The following RGS6 variants were observed in gnomAD, a reference collection of about 807,000 sequenced individuals.
RGS6 encodes the protein regulator of G protein signaling 6, also known as regulator of G-protein signaling 6.
Under a neutral mutation model 78.5 loss-of-function variants are expected in RGS6, and 30 were observed. The observed-to-expected ratio is 0.38, with a 90% CI of 0.29 to 0.52. The LOEUF (loss-of-function observed/expected upper bound fraction) is 0.52, where lower values mean the gene tolerates loss of function less well. RGS6 is among the 20% of genes least tolerant of loss of function. The pLI is 0.85. For synonymous variants in RGS6, 206 were observed against 206.0 expected (o/e 1.00, Z 0.00); for missense variants, 495 against 609.7 (o/e 0.81, Z 1.98).
At chr14:72,392,622 G>A (rs755185867) in intron 3 of RGS6, among the ~76,000 whole-genome samples, 27 of 152,274 alleles carry the variant, frequency 1.8e-4, no homozygotes, top group African/African-American at 3.1e-4. Context: ...AATGGCTGCC[G>A]CTTCCCTGCC....
At chr14:72,401,683 A>G (rs1382745945) in intron 3 of RGS6, among the ~76,000 whole-genome samples, 3 of 152,114 alleles carry the variant, frequency 2.0e-5, no homozygotes, top group East Asian at 1.9e-4. Context: ...GCTCTTACTG[A>G]AGAGCTGAAA....
the RGS6 span, among the ~76,000 whole-genome samples, chr14:71,915,372 C>T: frequency 6.6e-6 from 1 of 152,304 alleles, no homozygotes; most frequent in African/African-American, 2.4e-5. Context: ...TTATCCCCCA[C>T]AGCTCCTTCA....
chr14:72,071,434 T>G (rs142972671), intron 2 of RGS6, among the ~76,000 whole-genome samples: 71 of 152,326 alleles, frequency 4.7e-4, no homozygotes, highest in South Asian at 8.3e-4. Flanking sequence ...AATTGATGAT[T>G]CATTGAGTAA....
the RGS6 span, among the ~76,000 whole-genome samples, chr14:72,599,432 A>G: frequency 1.5e-5 from 1 of 64,828 alleles, no homozygotes; most frequent in African/African-American, 6.8e-5. Flanking sequence ...TTTTTGAGAC[A>G]GAGTCTTGCT....
chr14:72,440,388 G>A (rs145024592), intron 3 of RGS6, among the ~76,000 whole-genome samples: 3 of 151,174 alleles, frequency 2.0e-5, no homozygotes, highest in Non-Finnish European at 4.4e-5. Context: ...GAGCATATGA[G>A]TGATGTTGAA....
intron 3 of RGS6, among the ~76,000 whole-genome samples, chr14:72,452,187 A>G (rs1364615226): frequency 2.0e-5 from 3 of 151,896 alleles, no homozygotes; most frequent in Admixed American, 6.6e-5. Context: ...CTTGGAGGAA[A>G]GGGACACACA....
chr14:72,334,984 G>A lies in RGS6; in HGVS notation c.85-17111G>A, dbSNP rs575905368. The stretch of plus-strand genomic sequence containing the variant: ...GTACCTCCTATAATTCCCTTGTGTC[G>A]TGAAAGGGACCCAGTGGGAGGTAAT... On this transcript the variant is annotated intron_variant, in intron 2 of 17. Coordinates refer to ENST00000553525, the MANE Select transcript of RGS6 (RefSeq NM_001204424.2). Among the ~76,000 whole-genome samples the A allele has an allele frequency of 2.5e-4, 38 of 152,146 alleles. No individual in the cohort carries two copies. The South Asian group carries it at 3.9e-3, about 16-fold the overall frequency.
chr14:72,333,790 C>G (rs149503807), intron 2 of RGS6, among the ~76,000 whole-genome samples: 1 of 151,972 alleles, frequency 6.6e-6, no homozygotes, highest in Non-Finnish European at 1.5e-5. Flanking sequence ...AACCCTCCAT[C>G]CCCTCCCTGC....
At chr14:72,054,628 A>C (rs2093519709) in intron 2 of RGS6, among the ~76,000 whole-genome samples, 1 of 152,186 alleles carries the variant, frequency 6.6e-6, no homozygotes, top group South Asian at 2.1e-4. Flanking sequence ...TTGTATTTGA[A>C]ATGAAAACCT....
chr14:72,171,568 A>C (rs1260892129), intron 2 of RGS6, among the ~76,000 whole-genome samples: 1 of 152,162 alleles, frequency 6.6e-6, no homozygotes, highest in African/African-American at 2.4e-5. Context: ...CTTGAGGGTG[A>C]TCTGTGCTCA....
intron 3 of RGS6, among the ~76,000 whole-genome samples, chr14:72,446,097 A>C (rs2095356545): frequency 6.6e-6 from 1 of 152,178 alleles, no homozygotes; most frequent in African/African-American, 2.4e-5. Flanking sequence ...TGTCTCTACA[A>C]AAAATTTAAA....
chr14:72,341,942 G>T (rs2077091514), intron 2 of RGS6, among the ~76,000 whole-genome samples: 1 of 152,152 alleles, frequency 6.6e-6, no homozygotes, highest in Non-Finnish European at 1.5e-5. Context: ...AGAAATTGTA[G>T]TAATATTCCA....
At chr14:72,568,007 GCTT>G, downstream of RGS6, among the ~76,000 whole-genome samples, 1 of 152,328 alleles carries the variant, frequency 6.6e-6, no homozygotes, top group South Asian at 2.1e-4. Context: ...GTGGAATCTG[GCTT>G]ATTTTAAAGG....
chr14:72,562,619 CGGTG>C lies in RGS6; in HGVS notation c.*157_*160del. ...AATGAAGGGCGATGGTGGGGAGACTCGGTGGGTGAATGGGGAGACCAGAAAGAAA... is the reference window on the plus strand; with the variant it reads ...AATGAAGGGCGATGGTGGGGAGACTCGGTGAATGGGGAGACCAGAAAGAAA... On this transcript the variant is annotated 3_prime_UTR_variant, in exon 18 of 18. Transcript: ENST00000553525. 8 of 1,533,720 alleles carry C rather than the reference CGGTG, an allele frequency of 5.2e-6. No homozygotes were observed. The highest frequency in any genetic ancestry group is 7.0e-6 in the Non-Finnish European group (8 of 1,145,454).
chr14:72,029,175 G>A (rs2090426489), intron 2 of RGS6, among the ~76,000 whole-genome samples: 1 of 152,180 alleles, frequency 6.6e-6, no homozygotes, highest in African/African-American at 2.4e-5. Flanking sequence ...CTCGTTCTGT[G>A]ACAGCTACCT....
chr14:72,493,037 G>A (rs2096598722), intron 12 of RGS6, among the ~76,000 whole-genome samples: 1 of 152,074 alleles, frequency 6.6e-6, no homozygotes, highest in South Asian at 2.1e-4. Flanking sequence ...CTCATTTGGA[G>A]CTCCCATTAA....
chr14:72,628,618 A>T, the RGS6 span, among the ~76,000 whole-genome samples: 1 of 152,064 alleles, frequency 6.6e-6, no homozygotes, highest in Non-Finnish European at 1.5e-5. Flanking sequence ...ACCACCATCT[A>T]TGAAGTAGTC....
chr14:71,968,934 C>A (rs1172446964), intron 2 of RGS6, among the ~76,000 whole-genome samples: 1 of 152,186 alleles, frequency 6.6e-6, no homozygotes, highest in Non-Finnish European at 1.5e-5. Context: ...CATTAACTCT[C>A]ATTTACATTA....
chr14:72,285,768 T>C (rs779068973), intron 2 of RGS6, among the ~76,000 whole-genome samples: 17 of 152,252 alleles, frequency 1.1e-4, no homozygotes, highest in Non-Finnish European at 1.8e-4. Flanking sequence ...TGATTGGCAA[T>C]GTTGACCAAC....
Sources: allele counts gnomAD v4.1 joint callset (sites outside exome capture counted in the v4.1 genomes callset), GRCh38; gene constraint gnomAD v4.1.1; transcripts MANE v1.5; gene names NCBI Gene and HGNC (gene_info 2026-07-23, HGNC 2026-07-21).